ANO2: variants seen among roughly 807,000 people sequenced by gnomAD.
ANO2 encodes the protein anoctamin 2.
Under a neutral mutation model 124.2 loss-of-function variants are expected in ANO2, and 101 were observed. The ratio of observed to expected loss-of-function variants is 0.81; its 90% CI spans 0.69 to 0.96. The LOEUF (loss-of-function observed/expected upper bound fraction) is 0.96, where lower values mean the gene tolerates loss of function less well. Ranked by LOEUF, ANO2 falls within the 40% of genes least tolerant of loss-of-function variation. The probability of loss-of-function intolerance (pLI) is 0.00; values close to 1 mark genes in which losing one functional copy is unlikely to be tolerated. For missense variants in ANO2, 1,293 were observed against 1,274.5 expected (o/e 1.01, Z -0.22); for synonymous variants, 486 against 482.5 (o/e 1.01, Z -0.09).
chr12:5,782,187 T>A (rs1001381527), intron 10 of ANO2, among the ~76,000 whole-genome samples: 2 of 152,358 alleles, frequency 1.3e-5, no homozygotes, highest in South Asian at 4.1e-4. Context: ...TTTGTCAATA[T>A]AAATATTATC....
intron 15 of ANO2, among the ~76,000 whole-genome samples, chr12:5,643,391 T>C (rs979319937): frequency 1.3e-5 from 2 of 152,240 alleles, no homozygotes; most frequent in African/African-American, 4.8e-5. Flanking sequence ...TTTGCTCATT[T>C]TCATGACTGT....
At chr12:5,840,075 C>T (rs1372462015) in intron 4 of ANO2, among the ~76,000 whole-genome samples, 1 of 152,108 alleles carries the variant, frequency 6.6e-6, no homozygotes, top group Non-Finnish European at 1.5e-5. Flanking sequence ...ATACAATCAG[C>T]AGTGGCATCA....
chr12:5,924,782 C>T (rs1942001509), intron 1 of ANO2, among the ~76,000 whole-genome samples: 1 of 152,210 alleles, frequency 6.6e-6, no homozygotes, highest in Non-Finnish European at 1.5e-5. Context: ...CCCACAGCCT[C>T]CCTCTTTCCC....
At chr12:5,752,202 G>C (rs1465808393) in intron 10 of ANO2, among the ~76,000 whole-genome samples, 1 of 152,164 alleles carries the variant, frequency 6.6e-6, no homozygotes, top group Non-Finnish European at 1.5e-5. Context: ...CATCTCCTCA[G>C]GATGTTGACT....
intron 14 of ANO2, among the ~76,000 whole-genome samples, chr12:5,649,111 T>C (rs1165015984): frequency 1.3e-5 from 2 of 152,144 alleles, no homozygotes; most frequent in Non-Finnish European, 2.9e-5. Flanking sequence ...GAAACAGAGA[T>C]GACACCCACA....
At chr12:5,922,134 G>A in intron 2 of ANO2, among the ~76,000 whole-genome samples, 1 of 152,196 alleles carries the variant, frequency 6.6e-6, no homozygotes, top group Middle Eastern at 3.2e-3. Context: ...CACTCCAGAG[G>A]TGGGGAGGTG....
chr12:5,905,835 A>G (rs754120974), intron 3 of ANO2, among the ~76,000 whole-genome samples: 14 of 152,182 alleles, frequency 9.2e-5, no homozygotes, highest in Non-Finnish European at 1.5e-4. Context: ...TTTCCCCAAC[A>G]GGTCACCAAA....
intron 3 of ANO2, 22 bp downstream of exon 3, chr12:5,921,018 C>T: frequency 2.5e-6 from 4 of 1,589,578 alleles, no homozygotes; most frequent in Non-Finnish European, 2.6e-6. Context: ...TCTCCAAGTC[C>T]CTGGCCACCC....
intron 2 of ANO2, among the ~76,000 whole-genome samples, chr12:5,921,699 C>T (rs1004242230): frequency 6.6e-5 from 10 of 152,198 alleles, no homozygotes; most frequent in African/African-American, 9.6e-5. Context: ...CAGAACCACA[C>T]GCCCACGCCT....
At chr12:5,838,255 T>C (rs1008275954) in intron 4 of ANO2, among the ~76,000 whole-genome samples, 3 of 152,196 alleles carry the variant, frequency 2.0e-5, no homozygotes, top group Non-Finnish European at 4.4e-5. Flanking sequence ...CAACTGTTTC[T>C]TGATGGAGGA....
At chr12:5,683,411 C>G (rs1186470238) in intron 14 of ANO2, among the ~76,000 whole-genome samples, 1 of 151,974 alleles carries the variant, frequency 6.6e-6, no homozygotes, top group Non-Finnish European at 1.5e-5. Context: ...CAAAAAGCCC[C>G]CAAGGAACTT....
In ANO2 at chr12:5,904,806, AG is replaced by A. The variant is rs1252546523; in HGVS notation, c.534+16233del. 6.6e-6 allele frequency among the ~76,000 whole-genome samples: 1 copy of A among 152,042 alleles called. No individual in the cohort carries two copies. Among genetic ancestry groups the A allele is most frequent in the African/African-American group, 2.4e-5 (1 of 41,384 alleles). ...GCAGACTGATTCTCACCACAAACAC[AG>A]CCCAAGGGTAATTAAAAGGTATCTG... On this transcript the variant is annotated intron_variant, in intron 3 of 24. Coordinates refer to ENST00000682330, the MANE Select transcript of ANO2 (RefSeq NM_001364791.2). The surrounding 1 kb of genome is among the most constrained non-coding windows in gnomAD (Gnocchi z 4.1).
intron 13 of ANO2, among the ~76,000 whole-genome samples, chr12:5,737,381 A>T (rs1015893534): frequency 3.9e-5 from 6 of 152,222 alleles, no homozygotes; most frequent in African/African-American, 1.4e-4. Context: ...TAAACAGGAA[A>T]CCTGGCTACA....
intron 14 of ANO2, among the ~76,000 whole-genome samples, chr12:5,649,031 G>T (rs565756999): frequency 6.6e-6 from 1 of 152,304 alleles, no homozygotes; most frequent in African/African-American, 2.4e-5. Flanking sequence ...CATTGATCTT[G>T]GTGCCACGCA....
chr12:5,691,340 A>G (rs1308185499), intron 14 of ANO2, among the ~76,000 whole-genome samples: 1 of 147,610 alleles, frequency 6.8e-6, no homozygotes. Flanking sequence ...AAAAAAAAAA[A>G]AAAAAAAGAA....
chr12:5,690,351 G>A (rs908972409), intron 14 of ANO2, among the ~76,000 whole-genome samples: 2 of 152,070 alleles, frequency 1.3e-5, no homozygotes, highest in African/African-American at 4.8e-5. Context: ...AAAAAACAAA[G>A]CCAAATAAGA....
intron 16 of ANO2, among the ~76,000 whole-genome samples, chr12:5,623,709 G>A (rs1235673494): frequency 1.3e-5 from 2 of 152,186 alleles, no homozygotes; most frequent in Non-Finnish European, 2.9e-5. Flanking sequence ...TGGTGTCTTC[G>A]ACAGCCCAGC....
intron 10 of ANO2, among the ~76,000 whole-genome samples, chr12:5,784,737 G>A (rs1352520195): frequency 6.6e-6 from 1 of 152,178 alleles, no homozygotes; most frequent in Non-Finnish European, 1.5e-5. Flanking sequence ...CTCCACCAAT[G>A]CCTTACAACC....
chr12:5,662,950 G>A (rs192483051), intron 14 of ANO2, among the ~76,000 whole-genome samples: 1 of 152,308 alleles, frequency 6.6e-6, no homozygotes, highest in East Asian at 1.9e-4. Context: ...TGTTTCAGGG[G>A]AACAGAATCA....
Sources: allele counts gnomAD v4.1 joint callset (sites outside exome capture counted in the v4.1 genomes callset), GRCh38; gene constraint gnomAD v4.1.1; non-coding constraint Gnocchi (gnomAD v3.1); transcripts MANE v1.5; gene names NCBI Gene and HGNC (gene_info 2026-07-23, HGNC 2026-07-21).